The following CAMTA1 variants were observed in gnomAD, a reference collection of about 807,000 sequenced individuals.
CAMTA1 encodes the protein calmodulin binding transcription activator 1.
CAMTA1 carries 27 observed loss-of-function variants against 170.9 expected under a neutral mutation model. That is an observed-to-expected ratio of 0.16 (90% confidence interval 0.12 to 0.22). The LOEUF is 0.22. CAMTA1 is among the 10% of genes least tolerant of loss of function. CAMTA1 has a pLI of 1.00. For synonymous variants in CAMTA1, 833 were observed against 891.5 expected, an observed-to-expected ratio of 0.93 and a Z score of 1.17; for missense variants, 1,619 against 2,217.2, an observed-to-expected ratio of 0.73 and a Z score of 5.42.
intron 3 of CAMTA1, among the ~76,000 whole-genome samples, chr1:6,899,264 T>C (rs1160261002): frequency 2.0e-5 from 3 of 152,252 alleles, no homozygotes; most frequent in Admixed American, 2.0e-4. Context: ...AAGCAGCTTA[T>C]TGTCTCACGT....
chr1:7,536,845 C>A (rs1575867421), intron 6 of CAMTA1, among the ~76,000 whole-genome samples: 1 of 40,846 alleles, frequency 2.4e-5, no homozygotes, highest in South Asian at 7.5e-4. Flanking sequence ...CTGAGCTACT[C>A]CCAGGGATCC....
At chr1:6,787,084 C>G (rs564653468) in intron 1 of CAMTA1, among the ~76,000 whole-genome samples, 2 of 152,348 alleles carry the variant, frequency 1.3e-5, no homozygotes, top group African/African-American at 4.8e-5. Flanking sequence ...ATATAAACTT[C>G]CCGATTGTTT....
intron 6 of CAMTA1, among the ~76,000 whole-genome samples, chr1:7,510,412 C>A (rs2094188455): frequency 6.9e-6 from 1 of 145,584 alleles, no homozygotes; most frequent in Non-Finnish European, 1.5e-5. Flanking sequence ...TTGCTTCGCC[C>A]CTGGGGGCTC....
At chr1:7,103,456 T>A (rs1186946906) in intron 4 of CAMTA1, among the ~76,000 whole-genome samples, 1 of 120,596 alleles carries the variant, frequency 8.3e-6, no homozygotes, top group Non-Finnish European at 1.7e-5. Context: ...CACACACAAC[T>A]ACACACATGT....
intron 11 of CAMTA1, among the ~76,000 whole-genome samples, chr1:7,702,116 G>C (rs928884664): frequency 6.6e-6 from 1 of 152,022 alleles, no homozygotes; most frequent in Non-Finnish European, 1.5e-5. Flanking sequence ...AACAATACCA[G>C]GACATTCCCC....
At chr1:7,315,200 C>T (rs549625892) in intron 5 of CAMTA1, among the ~76,000 whole-genome samples, 6 of 152,200 alleles carry the variant, frequency 3.9e-5, no homozygotes, top group African/African-American at 1.4e-4. Context: ...TCTACCCACG[C>T]ACCTTAGGAC....
At chr1:7,204,545 C>A (rs952286482) in intron 4 of CAMTA1, among the ~76,000 whole-genome samples, 5 of 152,018 alleles carry the variant, frequency 3.3e-5, no homozygotes, top group African/African-American at 1.2e-4. Context: ...TATCCTTTTA[C>A]ATTTATTGAG....
At chr1:7,019,519 G>T (rs1701054605) in intron 3 of CAMTA1, among the ~76,000 whole-genome samples, 1 of 152,118 alleles carries the variant, frequency 6.6e-6, no homozygotes, top group Non-Finnish European at 1.5e-5. Context: ...GTCGTGGAGG[G>T]GCCCTTTAGC....
intron 3 of CAMTA1, among the ~76,000 whole-genome samples, chr1:6,865,659 G>A (rs994948293): frequency 4.6e-5 from 7 of 152,182 alleles, no homozygotes; most frequent in African/African-American, 1.7e-4. Context: ...TTTTGCCTTT[G>A]AGGTCCTGAG....
At chr1:7,571,028 C>G (rs1421382609) in intron 6 of CAMTA1, among the ~76,000 whole-genome samples, 1 of 152,200 alleles carries the variant, frequency 6.6e-6, no homozygotes, top group African/African-American at 2.4e-5. Flanking sequence ...CCTGTGCATG[C>G]TCTGCAACAA....
intron 3 of CAMTA1, among the ~76,000 whole-genome samples, chr1:6,873,686 T>A (rs1669031018): frequency 6.6e-6 from 1 of 152,276 alleles, no homozygotes. Flanking sequence ...TTAGATTTTC[T>A]TTAAAGTTTT....
chr1:6,950,167 G>T (rs905142681), intron 3 of CAMTA1, among the ~76,000 whole-genome samples: 1 of 152,200 alleles, frequency 6.6e-6, no homozygotes, highest in Non-Finnish European at 1.5e-5. Flanking sequence ...TGCTGGCTGG[G>T]CGGAGGCAGC....
Position 7,677,625 on chromosome 1 carries a change from C to G in CAMTA1, c.2806C>G (p.Gln936Glu), listed in dbSNP as rs1368534050. The change falls in exon 11 of 23, where the codon CAA becomes GAA. Residue 936 changes from glutamine to glutamate, a missense_variant. Around this residue, in one of 8 missense-constraint regions of CAMTA1, gnomAD observed 143 missense variants for 184.2 expected, o/e 0.78. Transcript: ENST00000303635. ...PAHDTGLVTL[Q>E]VAFNNQIISN... The stretch of plus-strand genomic sequence containing the variant: ...CCATGACACTGGTCTTGTGACCCTA[C>G]AAGTTGCCTTCAACAACCAGATCAT... The G allele has an allele frequency of 8.1e-6, 13 of 1,614,160 alleles. No individual in the cohort carries two copies. Among genetic ancestry groups the G allele is most frequent in the Non-Finnish European group, 1.1e-5 (13 of 1,180,006 alleles).
At chr1:7,101,068 T>C (rs1048603097) in intron 4 of CAMTA1, among the ~76,000 whole-genome samples, 13 of 152,216 alleles carry the variant, frequency 8.5e-5, no homozygotes, top group African/African-American at 3.1e-4. Flanking sequence ...CCCCTGGCAC[T>C]GTGCCCACAC....
intron 6 of CAMTA1, among the ~76,000 whole-genome samples, chr1:7,575,122 T>A (rs1427728712): frequency 1.3e-5 from 2 of 152,128 alleles, no homozygotes; most frequent in African/African-American, 4.8e-5. Context: ...ATGAAATAAC[T>A]CATGTTGGGT....
At chr1:7,749,681 C>A (rs201081942) in intron 19 of CAMTA1, 1 of 280,130 alleles carries the variant, frequency 3.6e-6, no homozygotes, top group Non-Finnish European at 7.0e-6. Context: ...TTTTTTTTTT[C>A]TTGGTTGGGA....
At chr1:6,878,776 G>T (rs562652432) in intron 3 of CAMTA1, among the ~76,000 whole-genome samples, 1 of 152,188 alleles carries the variant, frequency 6.6e-6, no homozygotes, top group South Asian at 2.1e-4. Flanking sequence ...CACCATGACC[G>T]CTTGGGCTTC....
At chr1:6,957,832 C>T (rs192203434) in intron 3 of CAMTA1, among the ~76,000 whole-genome samples, 89 of 152,330 alleles carry the variant, frequency 5.8e-4, no homozygotes, top group Non-Finnish European at 6.3e-4. Context: ...CTGCCTGCCA[C>T]AGGCAGGTGG....
chr1:7,294,402 T>C (rs1673619792), intron 5 of CAMTA1, among the ~76,000 whole-genome samples: 1 of 152,190 alleles, frequency 6.6e-6, no homozygotes, highest in Admixed American at 6.5e-5. Flanking sequence ...ACAGCAGCTC[T>C]CACTGGCTGC....
Sources: allele counts gnomAD v4.1 joint callset (sites outside exome capture counted in the v4.1 genomes callset), GRCh38; gene constraint gnomAD v4.1.1; regional missense constraint gnomAD v4.1.1; transcripts MANE v1.5; gene names NCBI Gene and HGNC (gene_info 2026-07-23, HGNC 2026-07-21).